Variants in IFT88 observed in about 807,000 individuals in gnomAD.
IFT88 encodes the protein intraflagellar transport 88.
IFT88 carries 74 observed loss-of-function variants against 119.5 expected under a neutral mutation model. The observed-to-expected ratio is 0.62, with a 90% confidence interval of 0.51 to 0.75. The LOEUF is 0.75. Ranked by LOEUF, IFT88 falls within the 30% of genes least tolerant of loss-of-function variation. The probability of loss-of-function intolerance (pLI) is 0.00; values close to 1 mark genes in which losing one functional copy is unlikely to be tolerated. For synonymous variants in IFT88, 279 were observed against 316.7 expected (o/e 0.88, Z 1.26); for missense variants, 961 against 977.7 (o/e 0.98, Z 0.23).
intron 13 of IFT88, among the ~76,000 whole-genome samples, chr13:20,606,406 C>T (rs1339210293): frequency 1.3e-5 from 2 of 152,158 alleles, no homozygotes; most frequent in Non-Finnish European, 2.9e-5. Flanking sequence ...ATACAAGGAC[C>T]CCTCTGCCTA....
chr13:20,663,026 C>T (rs2054074073), intron 22 of IFT88, among the ~76,000 whole-genome samples: 1 of 152,140 alleles, frequency 6.6e-6, no homozygotes, highest in Non-Finnish European at 1.5e-5. Flanking sequence ...TAAAATACAT[C>T]TTTTTTATCT....
chr13:20,644,751 TG>T (rs2050480386), intron 19 of IFT88, 91 bp from the exon 20 acceptor site: 1 of 616,016 alleles, frequency 1.6e-6, no homozygotes, highest in Non-Finnish European at 2.9e-6. Flanking sequence ...AATTCCATAT[TG>T]GATAAATTTA....
chr13:20,677,489 C>T (rs571727306), intron 24 of IFT88, among the ~76,000 whole-genome samples: 3 of 152,258 alleles, frequency 2.0e-5, no homozygotes, highest in East Asian at 1.9e-4. Flanking sequence ...AGCTGTGGTG[C>T]GCTGCCTCTT....
chr13:20,607,652 G>C, intron 13 of IFT88: 1 of 881,866 alleles, frequency 1.1e-6, no homozygotes. Flanking sequence ...CTGGGTTCTG[G>C]TGGACCTCTC....
intron 13 of IFT88, among the ~76,000 whole-genome samples, chr13:20,615,218 T>C (rs931781008): frequency 6.6e-6 from 1 of 152,176 alleles, no homozygotes; most frequent in Non-Finnish European, 1.5e-5. Context: ...TATATATAAA[T>C]TCAAGAAGAA....
chr13:20,615,376 CAT>C (rs1253085535), intron 13 of IFT88, among the ~76,000 whole-genome samples: 7 of 152,104 alleles, frequency 4.6e-5, no homozygotes, highest in Non-Finnish European at 1.0e-4. Context: ...TACAGATACA[CAT>C]ATATGCACAC....
chr13:20,646,322 G>A (rs1232197612), intron 20 of IFT88, among the ~76,000 whole-genome samples: 2 of 148,234 alleles, frequency 1.3e-5, no homozygotes, highest in African/African-American at 5.0e-5. Context: ...TTGAGACAGA[G>A]GACGGAGTCT....
At chr13:20,681,823 A>T (rs1449505309) in intron 24 of IFT88, among the ~76,000 whole-genome samples, 3 of 152,244 alleles carry the variant, frequency 2.0e-5, no homozygotes, top group Non-Finnish European at 4.4e-5. Flanking sequence ...CCTCAATTAC[A>T]GCTACAAGCT....
chr13:20,607,268 T>C, intron 13 of IFT88: 1 of 419,868 alleles, frequency 2.4e-6, no homozygotes, highest in Non-Finnish European at 4.8e-6. Context: ...GCCGCAGCAC[T>C]TCTACCCGTA....
chr13:20,591,929 T>C (rs1272474723), intron 6 of IFT88, among the ~76,000 whole-genome samples: 8 of 152,108 alleles, frequency 5.3e-5, no homozygotes, highest in African/African-American at 1.9e-4. Context: ...AAAAGTTAAA[T>C]GATAATTTAA....
chr13:20,661,116 C>G (rs1010959629), intron 22 of IFT88, among the ~76,000 whole-genome samples: 2 of 152,106 alleles, frequency 1.3e-5, no homozygotes, highest in African/African-American at 2.4e-5. Context: ...AAATAGTTAA[C>G]TGATATAGGT....
intron 13 of IFT88, chr13:20,608,176 A>C (rs544768877): frequency 1.0e-4 from 34 of 327,830 alleles, no homozygotes; most frequent in African/African-American, 5.9e-4. Flanking sequence ...ACAGGACCAG[A>C]CTGTTCTGCG....
chr13:20,635,301 A>G (rs1344900988), intron 16 of IFT88, among the ~76,000 whole-genome samples: 3 of 152,170 alleles, frequency 2.0e-5, no homozygotes, highest in Non-Finnish European at 4.4e-5. Context: ...ACTTGGATCC[A>G]AAAATTTCTG....
chr13:20,625,797 A>G lies in IFT88; in HGVS notation c.1247A>G (p.Asp416Gly). 6.2e-7 allele frequency: 1 copy of G among 1,604,930 alleles called. No individual in the cohort carries two copies. Among genetic ancestry groups the G allele is most frequent in the Non-Finnish European group, 8.5e-7 (1 of 1,177,822 alleles). ...TCTCAATATGTAGAGCTAGCCAATG[A>G]TCTGGAAATAAACAAAGCAGTTACA... The part of the protein sequence containing the change: ...KASQYVELAN[D>G]LEINKAVTYL... Residue 416 changes from aspartate (D) to glycine (G), a missense_variant, in exon 15 of 26, where the codon GAT becomes GGT. Physicochemically the swap from Asp to Gly is moderately conservative, Grantham distance 94. Transcript: ENST00000351808.
chr13:20,650,653 G>C (rs2140465629), intron 20 of IFT88, among the ~76,000 whole-genome samples: 1 of 152,292 alleles, frequency 6.6e-6, no homozygotes, highest in African/African-American at 2.4e-5. Context: ...ATCTACATGG[G>C]AAGAGATGAA....
chr13:20,644,781 C>G (rs905081011), intron 19 of IFT88, 62 bp from the exon 20 acceptor site: 6 of 733,144 alleles, frequency 8.2e-6, no homozygotes, highest in Non-Finnish European at 1.4e-5. Context: ...GTAAAGTATT[C>G]AAGAAGTAAA....
chr13:20,669,723 C>T (rs931454152), intron 23 of IFT88, among the ~76,000 whole-genome samples: 26 of 152,106 alleles, frequency 1.7e-4, no homozygotes, highest in African/African-American at 6.3e-4. Context: ...CACACCGGGC[C>T]TATTTTCAGC....
At chr13:20,653,092 G>T (rs1284651639) in intron 20 of IFT88, among the ~76,000 whole-genome samples, 1 of 152,166 alleles carries the variant, frequency 6.6e-6, no homozygotes, top group Non-Finnish European at 1.5e-5. Flanking sequence ...GAAGTAATGT[G>T]GTTAGATGTG....
chr13:20,593,816 A>G (rs2041161086), intron 7 of IFT88, among the ~76,000 whole-genome samples: 1 of 152,130 alleles, frequency 6.6e-6, no homozygotes, highest in African/African-American at 2.4e-5. Flanking sequence ...TTGGGAGGCC[A>G]AGGTGAGAGG....
Sources: allele counts gnomAD v4.1 joint callset (sites outside exome capture counted in the v4.1 genomes callset), GRCh38; gene constraint gnomAD v4.1.1; transcripts MANE v1.5; gene names NCBI Gene and HGNC (gene_info 2026-07-23, HGNC 2026-07-21).